The following THAP8 variants were observed in gnomAD, a reference collection of about 807,000 sequenced individuals.
THAP8 encodes the protein THAP domain-containing protein 8.
A neutral mutation model predicts 25.0 loss-of-function variants in THAP8; 24 were observed. That is an observed-to-expected ratio of 0.96 (90% CI 0.69 to 1.35). The LOEUF (loss-of-function observed/expected upper bound fraction) is 1.35, where lower values mean the gene tolerates loss of function less well. Among genes scored for constraint, THAP8 ranks in the 40% most tolerant of loss-of-function variants. THAP8 has a pLI of 0.00. For missense variants in THAP8, 399 were observed against 368.8 expected (o/e 1.08, Z -0.67); for synonymous variants, 169 against 157.6 (o/e 1.07, Z -0.54).
intron 1 of THAP8, among the ~76,000 whole-genome samples, chr19:36,041,312 TAAAAAAA>T (rs76247583): frequency 7.1e-6 from 1 of 140,248 alleles, no homozygotes; most frequent in Non-Finnish European, 1.6e-5. Context: ...ACCCTGTCTT[TAAAAAAA>T]AAAAAAAAAA....
At position 36,039,665 on chromosome 19, in the gene THAP8, T is replaced by C; in HGVS notation, c.330A>G (p.Leu110=). 1 of 1,523,532 alleles carries C rather than the reference T, an allele frequency of 6.6e-7. No individual in the cohort carries two copies. The highest frequency in any genetic ancestry group is 2.2e-5 in the Admixed American group (1 of 46,168). 94.4% of individuals were successfully genotyped at this position (1,523,532 alleles called of 1,614,324 possible). The change falls in exon 3 of 4, where the codon CTA becomes CTG. Residue 110 remains leucine (L), a synonymous_variant. Transcript: ENST00000292894. The part of the protein sequence containing the change: ...TQKPVSPPPP[L]QKNTPLPQSP... ...TCTGGGGCAGGGGTGTATTCTTCTG[T>C]AGGGGAGGCGGCGGCGAGACTGGCT...
intron 1 of THAP8, chr19:36,045,709 A>G (rs1969856516): frequency 2.2e-6 from 1 of 456,096 alleles, no homozygotes; most frequent in Admixed American, 2.3e-5. Flanking sequence ...ATTACCACAG[A>G]AAAGAAGAGA....
intron 1 of THAP8, among the ~76,000 whole-genome samples, chr19:36,052,848 C>G (rs921260530): frequency 6.6e-6 from 1 of 152,170 alleles, no homozygotes; most frequent in Admixed American, 6.5e-5. Flanking sequence ...TTTAGACAAC[C>G]AAAGTTTCCT....
Position 36,039,529 on chromosome 19 carries a change from T to C in THAP8, c.466A>G (p.Thr156Ala), listed in dbSNP as rs1282965252. 6.4e-7 allele frequency: 1 copy of C among 1,554,486 alleles called. No homozygotes were observed. Among genetic ancestry groups the C allele is most frequent in the Non-Finnish European group, 8.7e-7 (1 of 1,147,750 alleles). ...ACTTCAGGTTGTGACCGCTCAGGAG[T>C]TGGCGCAGGGGCCAGGGGGGTCAGG... Reference protein sequence around the residue: ...MLLTPLAPAPTPERSQPEVPA... With the variant: ...MLLTPLAPAPAPERSQPEVPA... Residue 156 changes from threonine to alanine, a missense_variant, in exon 3 of 4, where the codon ACT becomes GCT. Thr to Ala is a moderately conservative substitution (Grantham distance 58, BLOSUM62 0). Transcript: ENST00000292894.
At chr19:36,037,471 A>G (rs1179653678) in intron 3 of THAP8, among the ~76,000 whole-genome samples, 2 of 152,104 alleles carry the variant, frequency 1.3e-5, no homozygotes, top group Non-Finnish European at 2.9e-5. Flanking sequence ...TATAGGGGCC[A>G]GGCAGGAAGC....
intron 1 of THAP8, among the ~76,000 whole-genome samples, chr19:36,045,398 T>C (rs1295675851): frequency 6.6e-6 from 1 of 152,052 alleles, no homozygotes; most frequent in Admixed American, 6.6e-5. Flanking sequence ...GCCTCCCAAG[T>C]AGCTGGGACT....
In THAP8 at chr19:36,054,180, G is replaced by T. The variant is rs1014104339; in HGVS notation, c.38C>A (p.Thr13Asn). ...KYCRAPNCSN[T>N]AGRLGADNRP... ...GTTGTCTGCACCCAGGCGGCCCGCA[G>T]TGTTGGAGCAGTTCGGCGCCCTGCA... Residue 13 changes from threonine (T) to asparagine (N), a missense_variant, in exon 1 of 4, where the codon ACT becomes AAT. Thr to Asn is a moderately conservative substitution (Grantham distance 65, BLOSUM62 0). Transcript: ENST00000292894. The T allele has an allele frequency of 1.9e-6, 3 of 1,613,810 alleles. No individual in the cohort carries two copies. Among genetic ancestry groups the T allele is most frequent in the African/African-American group, 1.3e-5 (1 of 74,826 alleles).
chr19:36,035,359 G>A lies in THAP8; in HGVS notation c.*81C>T. The A allele has an allele frequency of 2.0e-6, 3 of 1,531,590 alleles. No homozygotes were observed. The highest frequency in any genetic ancestry group is 1.9e-5 in the Admixed American group (1 of 53,892). 94.9% of individuals were successfully genotyped at this position (1,531,590 alleles called of 1,614,324 possible). ...CTGCTACTACCCAGGCGTGGGCGGT[G>A]GGGCTGGGCCAAGCCCACGTATAAT... On this transcript the variant is annotated 3_prime_UTR_variant, in exon 4 of 4. Transcript: ENST00000292894.
At chr19:36,044,116 C>T (rs1472290749) in intron 1 of THAP8, among the ~76,000 whole-genome samples, 7 of 152,074 alleles carry the variant, frequency 4.6e-5, no homozygotes, top group Admixed American at 4.6e-4. Context: ...GCCTTATTTG[C>T]AGCCAGGGGT....
chr19:36,049,465 CTT>C (rs1214792091), intron 1 of THAP8, among the ~76,000 whole-genome samples: 4 of 152,154 alleles, frequency 2.6e-5, no homozygotes, highest in African/African-American at 9.7e-5. Flanking sequence ...TGTGTCTCAT[CTT>C]ATCTCTCACC....
At chr19:36,040,841 G>A (rs1255885725) in intron 1 of THAP8, among the ~76,000 whole-genome samples, 5 of 152,066 alleles carry the variant, frequency 3.3e-5, no homozygotes, top group African/African-American at 7.2e-5. Flanking sequence ...GCAGCCAAGC[G>A]AAAACGTTTC....
chr19:36,035,557 T>C lies in THAP8; in HGVS notation c.708A>G (p.Gln236=), dbSNP rs1221436534. ...GCCCTCCACAGATGATGGTGAAGGT[T>C]TGGGATTCCTCAGGTCCAAGGGTCT... ...TAQTLGPEES[Q]TFTIICGGPD... The change falls in exon 4 of 4, where the codon CAA becomes CAG. Residue 236 remains glutamine (Q), a synonymous_variant. Coordinates refer to ENST00000292894, the MANE Select transcript of THAP8 (RefSeq NM_152658.3). 1.2e-6 allele frequency: 2 copies of C among 1,613,942 alleles called. No homozygotes were observed. Among genetic ancestry groups the C allele is most frequent in the East Asian group, 2.2e-5 (1 of 44,864 alleles).
intron 1 of THAP8, among the ~76,000 whole-genome samples, chr19:36,044,350 G>C (rs1321067977): frequency 6.6e-6 from 1 of 151,992 alleles, no homozygotes; most frequent in Non-Finnish European, 1.5e-5. Context: ...ATTAAACAAA[G>C]ATACTTAAAA....
intron 1 of THAP8, chr19:36,045,826 A>C (rs1295835990): frequency 2.2e-6 from 1 of 456,576 alleles, no homozygotes; most frequent in Non-Finnish European, 4.4e-6. Context: ...TCTCCCCCAG[A>C]ACCTCCAGAG....
At chr19:36,044,914 C>T (rs979558002) in intron 1 of THAP8, among the ~76,000 whole-genome samples, 2 of 152,030 alleles carry the variant, frequency 1.3e-5, no homozygotes, top group African/African-American at 4.8e-5. Flanking sequence ...AGCTATAAAA[C>T]AGAATGTAGA....
rs192898190 is a variant in THAP8 at position 36,039,730 on chromosome 19, G to C, written c.277-12C>G. On this transcript the variant is annotated splice_polypyrimidine_tract_variant and intron_variant, in intron 2 of 3. Coordinates refer to ENST00000292894, the MANE Select transcript of THAP8 (RefSeq NM_152658.3). ...GTCCTCCGCTGACTCTGGAAGACAA[G>C]GCATGGGGTGCAGGGGTGCCGTGGT... The C allele has an allele frequency of 6.6e-7, 1 of 1,507,096 alleles. No homozygotes were observed. The highest frequency in any genetic ancestry group is 2.5e-5 in the East Asian group (1 of 40,730). The allele number at this position is 1,507,096 out of a possible 1,614,324, so 93.4% of individuals were successfully genotyped here. A position where few individuals can be genotyped will look rare whatever the true frequency, so the allele number is the denominator to read the frequency against.
chr19:36,051,392 G>C (rs1970051147), intron 1 of THAP8, among the ~76,000 whole-genome samples: 1 of 152,076 alleles, frequency 6.6e-6, no homozygotes, highest in African/African-American at 2.4e-5. Context: ...AGTGAGGTGG[G>C]AGTCACGGAA....
At chr19:36,045,906 G>A (rs1167291660) in intron 1 of THAP8, 2 of 456,492 alleles carry the variant, frequency 4.4e-6, no homozygotes, top group Non-Finnish European at 8.8e-6. Context: ...CTCTAGAACT[G>A]TTAGAAAATA....
At chr19:36,053,417 T>C (rs1327227073) in intron 1 of THAP8, among the ~76,000 whole-genome samples, 14 of 141,722 alleles carry the variant, frequency 9.9e-5, no homozygotes, top group Admixed American at 2.8e-4. Flanking sequence ...TATCCAGGCA[T>C]GGTGGCGCGT....
Sources: allele counts gnomAD v4.1 joint callset (sites outside exome capture counted in the v4.1 genomes callset), GRCh38; gene constraint gnomAD v4.1.1; transcripts MANE v1.5; gene names NCBI Gene and HGNC (gene_info 2026-07-23, HGNC 2026-07-21).